The following SLCO1B3 variants were observed in gnomAD, a reference collection of about 807,000 sequenced individuals.
SLCO1B3 encodes the protein liver-specific organic anion transporter 2.
A neutral mutation model predicts 71.8 loss-of-function variants in SLCO1B3; 72 were observed. The observed-to-expected ratio is 1.00, with a 90% CI of 0.83 to 1.22. SLCO1B3 has a LOEUF of 1.22. SLCO1B3 is among the 50% of genes most tolerant of loss of function. The pLI is 0.00. For synonymous variants in SLCO1B3, 298 were observed against 278.4 expected, an observed-to-expected ratio of 1.07 and a Z score of -0.70; for missense variants, 911 against 819.7, an observed-to-expected ratio of 1.11 and a Z score of -1.36.
chr12:20,858,341 C>A, intron 4 of SLCO1B3, 98 bp from the exon 5 acceptor site: 1 of 800,032 alleles, frequency 1.2e-6, no homozygotes, highest in Non-Finnish European at 2.0e-6. Flanking sequence ...AGGGAAGGTA[C>A]AATGTCTTGG....
chr12:20,818,142 G>T (rs1864226200), intron 3 of SLCO1B3, among the ~76,000 whole-genome samples: 1 of 152,176 alleles, frequency 6.6e-6, no homozygotes, highest in South Asian at 2.1e-4. Flanking sequence ...CTATACAGGA[G>T]CTTAAATGGG....
At chr12:20,817,906 C>G (rs1240952790) in intron 3 of SLCO1B3, among the ~76,000 whole-genome samples, 4 of 152,024 alleles carry the variant, frequency 2.6e-5, no homozygotes, top group African/African-American at 9.7e-5. Context: ...AGTCACTCTT[C>G]TAGAGTGGCA....
At chr12:20,847,111 A>T (rs1013073261) in intron 3 of SLCO1B3, among the ~76,000 whole-genome samples, 1 of 152,132 alleles carries the variant, frequency 6.6e-6, no homozygotes, top group South Asian at 2.1e-4. Flanking sequence ...AAAGCCTCGC[A>T]TATGCCCAGG....
chr12:20,818,449 C>T (rs185481594), intron 3 of SLCO1B3, among the ~76,000 whole-genome samples: 1 of 152,014 alleles, frequency 6.6e-6, no homozygotes, highest in African/African-American at 2.4e-5. Flanking sequence ...AGGCCTCTAC[C>T]TATCTAGTGA....
intron 3 of SLCO1B3, among the ~76,000 whole-genome samples, chr12:20,842,659 T>G (rs1400415472): frequency 2.0e-5 from 3 of 152,248 alleles, no homozygotes; most frequent in African/African-American, 7.2e-5. Context: ...CTTACGTTTA[T>G]TGTATTTTAT....
chr12:20,877,847 T>G lies in SLCO1B3; in HGVS notation c.1046T>G (p.Val349Gly). 1 of 1,586,994 alleles carries G rather than the reference T, an allele frequency of 6.3e-7. No individual in the cohort carries two copies. Among genetic ancestry groups the G allele is most frequent in the Non-Finnish European group, 8.6e-7 (1 of 1,166,732 alleles). Residue 349 changes from valine to glycine, a missense_variant, in exon 10 of 16, where the codon GTA (valine) becomes GGA (glycine). By Grantham distance (109) the Val-to-Gly change is moderately radical. Coordinates refer to ENST00000381545, the MANE Select transcript of SLCO1B3 (RefSeq NM_019844.4). Reference protein sequence around the residue: ...VIFLLLTLLQVSSFIGSFTYV... With the variant: ...VIFLLLTLLQGSSFIGSFTYV... ...TTTCTGCTTTTGACATTGTTACAAG[T>G]AAGCAGCTTTATTGGTTCTTTTACT...
intron 5 of SLCO1B3, among the ~76,000 whole-genome samples, chr12:20,859,128 C>T (rs1865201448): frequency 6.6e-6 from 1 of 152,126 alleles, no homozygotes; most frequent in South Asian, 2.1e-4. Context: ...CCTTGCATGG[C>T]CTTGTCCTCT....
chr12:20,895,388 A>G (rs1228228259), intron 13 of SLCO1B3, among the ~76,000 whole-genome samples: 1 of 152,212 alleles, frequency 6.6e-6, no homozygotes, highest in Non-Finnish European at 1.5e-5. Flanking sequence ...CAATGGGGGT[A>G]CAGGCATTGG....
At chr12:20,865,788 G>T (rs1484684771) in intron 8 of SLCO1B3, among the ~76,000 whole-genome samples, 1 of 151,900 alleles carries the variant, frequency 6.6e-6, no homozygotes, top group Non-Finnish European at 1.5e-5. Flanking sequence ...ATTATTAAAA[G>T]TTAAAATTTG....
At position 20,916,378 on chromosome 12, in the gene SLCO1B3, G is replaced by A; in HGVS notation, c.*131G>A. The A allele has an allele frequency of 1.2e-6, 1 of 814,290 alleles. No homozygotes were observed. The highest frequency in any genetic ancestry group is 1.8e-5 in the South Asian group (1 of 54,396). The allele number at this position is 814,290 out of a possible 1,614,324, so 50.4% of individuals were successfully genotyped here. On this transcript the variant is annotated 3_prime_UTR_variant, in exon 16 of 16. Transcript: ENST00000381545. ...CTATAATAAACTATAAAAAATGGGA[G>A]TACCCATGGTTAGGATATAGCTATG...
intron 3 of SLCO1B3, among the ~76,000 whole-genome samples, chr12:20,833,140 C>G (rs997175891): frequency 6.6e-6 from 1 of 152,062 alleles, no homozygotes; most frequent in Non-Finnish European, 1.5e-5. Context: ...TAGTGAAGTC[C>G]ACGTCACATG....
intron 3 of SLCO1B3, among the ~76,000 whole-genome samples, chr12:20,824,821 C>G (rs2121105002): frequency 6.6e-6 from 1 of 152,124 alleles, no homozygotes; most frequent in South Asian, 2.1e-4. Flanking sequence ...TATATGAAGT[C>G]AAAGTACTAA....
At chr12:20,904,227 G>A (rs1028259265) in intron 15 of SLCO1B3, among the ~76,000 whole-genome samples, 36 of 117,138 alleles carry the variant, frequency 3.1e-4, no homozygotes, top group Admixed American at 2.5e-3. Flanking sequence ...GCAACAGAGC[G>A]AGACTCTGTC....
intron 3 of SLCO1B3, among the ~76,000 whole-genome samples, chr12:20,831,662 G>T (rs965296019): frequency 7.9e-5 from 12 of 151,732 alleles, no homozygotes; most frequent in Admixed American, 5.9e-4. Context: ...ATGAAGTTTG[G>T]GACATCAAAC....
chr12:20,902,867 G>A (rs1459187663), intron 15 of SLCO1B3, among the ~76,000 whole-genome samples: 3 of 151,874 alleles, frequency 2.0e-5, no homozygotes, highest in East Asian at 3.9e-4. Flanking sequence ...CCAGGAGTTC[G>A]AGACCAGCCT....
intron 3 of SLCO1B3, among the ~76,000 whole-genome samples, chr12:20,836,720 C>A (rs1864688931): frequency 6.6e-6 from 1 of 152,136 alleles, no homozygotes; most frequent in Non-Finnish European, 1.5e-5. Flanking sequence ...CAGCTCACTG[C>A]AACCTCTGCC....
chr12:20,833,684 G>A (rs10770746), intron 3 of SLCO1B3, among the ~76,000 whole-genome samples: 67,156 of 147,080 alleles, frequency 0.46, 17,250 homozygotes, highest in South Asian at 0.64. Flanking sequence ...ACACTTTATG[G>A]TATAGAGAGA....
chr12:20,899,217 T>C (rs1188817010), intron 14 of SLCO1B3, among the ~76,000 whole-genome samples: 1 of 152,224 alleles, frequency 6.6e-6, no homozygotes, highest in African/African-American at 2.4e-5. Context: ...GCCATTTGCC[T>C]TTTTTACTGC....
At chr12:20,860,969 A>G in intron 5 of SLCO1B3, 48 bp from the exon 6 acceptor site, 1 of 1,498,022 alleles carries the variant, frequency 6.7e-7, no homozygotes. Context: ...GAAAACTGAA[A>G]ATATTCAGTA....
Sources: gnomAD v4.1 joint callset for allele counts (sites outside exome capture counted in the v4.1 genomes callset) on GRCh38, gnomAD v4.1.1 for gene constraint, MANE v1.5 for transcripts, NCBI Gene and HGNC (gene_info 2026-07-23, HGNC 2026-07-21) for gene names.